The following PTPRD variants were observed in gnomAD, a reference collection of about 807,000 sequenced individuals.
PTPRD encodes receptor-type tyrosine-protein phosphatase delta.
A neutral mutation model predicts 214.5 loss-of-function variants in PTPRD; 34 were observed. The ratio of observed to expected loss-of-function variants is 0.16; its 90% confidence interval spans 0.12 to 0.21. The LOEUF (loss-of-function observed/expected upper bound fraction) is 0.21, where lower values mean the gene tolerates loss of function less well. Among genes scored for constraint, PTPRD ranks in the 10% least tolerant of loss-of-function variants. PTPRD has a pLI of 1.00. For synonymous variants in PTPRD, 1,128 were observed against 845.7 expected, an observed-to-expected ratio of 1.33 and a Z score of -5.79; for missense variants, 2,545 against 2,398.7, an observed-to-expected ratio of 1.06 and a Z score of -1.27.
At chr9:9,925,136 A>T (rs1236818876) in intron 5 of PTPRD, among the ~76,000 whole-genome samples, 2 of 152,156 alleles carry the variant, frequency 1.3e-5, no homozygotes, top group African/African-American at 4.8e-5. Context: ...GTAGCAGTAC[A>T]AAATTAAATT....
At chr9:10,411,550 A>T (rs1030641358) in intron 2 of PTPRD, among the ~76,000 whole-genome samples, 4 of 151,782 alleles carry the variant, frequency 2.6e-5, no homozygotes, top group African/African-American at 9.7e-5. Flanking sequence ...TGGCAGATTC[A>T]CCATCATCCT....
At chr9:10,199,859 A>G (rs1050517362) in intron 3 of PTPRD, among the ~76,000 whole-genome samples, 1 of 151,704 alleles carries the variant, frequency 6.6e-6, no homozygotes, top group African/African-American at 2.4e-5. Context: ...TGGAGGCAAT[A>G]CCAACATAAC....
intron 8 of PTPRD, among the ~76,000 whole-genome samples, chr9:9,550,459 G>A (rs866645935): frequency 2.2e-4 from 33 of 147,502 alleles, no homozygotes; most frequent in Middle Eastern, 3.6e-3. Flanking sequence ...AGTATTATAC[G>A]TAGTATATTA....
rs1054331576 is a variant in PTPRD at position 9,228,723 on chromosome 9, A to G, written c.-202-45360T>C. Among the ~76,000 whole-genome samples, 13 of 152,152 alleles carry G rather than the reference A, an allele frequency of 8.5e-5. 1 individual carries two copies. Among genetic ancestry groups the G allele is most frequent in the South Asian group, 6.2e-4 (3 of 4,834 alleles). ...GTTACTATGGAGATTAAACGTCATT[A>G]TGTATTTCAAATGCCTAGCGTAAAG... is the stretch of plus-strand genomic sequence containing the variant. On this transcript the variant is annotated intron_variant, in intron 9 of 45. Transcript: ENST00000381196.
At chr9:8,654,603 A>G (rs2096874259) in intron 12 of PTPRD, among the ~76,000 whole-genome samples, 1 of 152,224 alleles carries the variant, frequency 6.6e-6, no homozygotes, top group Non-Finnish European at 1.5e-5. Flanking sequence ...AGTGTAAAAA[A>G]GATACATACA....
rs547261355 is a variant in PTPRD at position 10,363,808 on chromosome 9, T to G, written c.-599-22791A>C. 3.2e-4 allele frequency among the ~76,000 whole-genome samples: 49 copies of G among 152,244 alleles called. No homozygotes were observed. The South Asian group carries it at 9.3e-3, about 29-fold the overall frequency. On this transcript the variant is annotated intron_variant, in intron 2 of 45. Coordinates refer to ENST00000381196, the MANE Select transcript of PTPRD (RefSeq NM_002839.4). ...AAGGTCAGGCTTGATTCCATTCATT[T>G]CACACATGTAGATAGATGCTATGGA... is the stretch of plus-strand genomic sequence containing the variant.
chr9:8,416,981 A>G (rs1023528534), intron 35 of PTPRD, among the ~76,000 whole-genome samples: 2 of 152,138 alleles, frequency 1.3e-5, no homozygotes, highest in African/African-American at 2.4e-5. Context: ...GCTCTTAACT[A>G]CTACACTCTA....
chr9:8,791,601 C>T (rs148664416), intron 11 of PTPRD, among the ~76,000 whole-genome samples: 4 of 146,992 alleles, frequency 2.7e-5, no homozygotes, highest in African/African-American at 7.6e-5. Context: ...GATCTCGGCT[C>T]ACTGCAACCT....
chr9:8,861,605 C>T (rs921793981), intron 11 of PTPRD: 4 of 152,120 alleles, frequency 2.6e-5, no homozygotes, highest in Admixed American at 6.5e-5. Context: ...GCCAAGCTGA[C>T]ACAGTGAGTG....
intron 11 of PTPRD, among the ~76,000 whole-genome samples, chr9:8,777,699 A>G (rs2154491809): frequency 6.6e-6 from 1 of 152,262 alleles, no homozygotes; most frequent in East Asian, 1.9e-4. Context: ...GTCAGTGATA[A>G]AAGAGAGCTG....
chr9:8,838,312 T>G (rs2097483305), intron 11 of PTPRD, among the ~76,000 whole-genome samples: 1 of 149,582 alleles, frequency 6.7e-6, no homozygotes, highest in African/African-American at 2.4e-5. Context: ...CGTTTGGGGA[T>G]AAGGAAGTGA....
At chr9:8,781,267 G>C (rs1020776130) in intron 11 of PTPRD, among the ~76,000 whole-genome samples, 1 of 152,164 alleles carries the variant, frequency 6.6e-6, no homozygotes, top group African/African-American at 2.4e-5. Context: ...TAAGAGTCAG[G>C]GGGCTGCTCT....
At chr9:8,902,808 A>G (rs926133207) in intron 11 of PTPRD, among the ~76,000 whole-genome samples, 1 of 152,240 alleles carries the variant, frequency 6.6e-6, no homozygotes, top group East Asian at 1.9e-4. Context: ...TGAATTTTCA[A>G]AATGCCATTT....
chr9:9,266,200 C>G (rs1316736657), intron 9 of PTPRD, among the ~76,000 whole-genome samples: 2 of 151,294 alleles, frequency 1.3e-5, no homozygotes, highest in Admixed American at 6.6e-5. Context: ...CAATTTTAAA[C>G]GTGTGTATGT....
rs1049241623 is a variant in PTPRD, at chr9:8,315,040, G to A, written c.*2834C>T. On this transcript the variant is annotated 3_prime_UTR_variant, in exon 46 of 46. Transcript: ENST00000381196. ...ATTACAAAATTATACATAACTACACGTACATAGGTAAATAATAGCACCGTA... is the reference window on the plus strand; with the variant it reads ...ATTACAAAATTATACATAACTACACATACATAGGTAAATAATAGCACCGTA... 1 of 232,026 alleles carries A rather than the reference G, an allele frequency of 4.3e-6. No homozygotes were observed. The highest frequency in any genetic ancestry group is 5.7e-5 in the Admixed American group (1 of 17,672). The allele number at this position is 232,026 out of a possible 1,614,324, so 14.4% of individuals were successfully genotyped here. A position where few individuals can be genotyped will look rare whatever the true frequency, so the allele number is the denominator to read the frequency against.
At chr9:9,893,727 C>T (rs1172456124) in intron 5 of PTPRD, among the ~76,000 whole-genome samples, 1 of 152,038 alleles carries the variant, frequency 6.6e-6, no homozygotes, top group African/African-American at 2.4e-5. Context: ...TAAACATAAT[C>T]ACTTATCATG....
At chr9:8,439,536 T>C (rs1002178779) in intron 34 of PTPRD, among the ~76,000 whole-genome samples, 5 of 152,240 alleles carry the variant, frequency 3.3e-5, no homozygotes, top group Admixed American at 6.5e-5. Flanking sequence ...TGCTATTTTC[T>C]TTCATTAGCC....
rs945861955 is a variant in PTPRD at position 8,633,207 on chromosome 9, T to C, written c.352+110A>G. On this transcript the variant is annotated intron_variant, in intron 14 of 45. Coordinates refer to ENST00000381196, the MANE Select transcript of PTPRD (RefSeq NM_002839.4). ...AGTTCAAGTCTTACAAACATTTAAC[T>C]GAGTTTCCCATTTAAGCACCATCAC... 8.8e-5 allele frequency: 119 copies of C among 1,347,676 alleles called. No individual in the cohort carries two copies. The Middle Eastern group carries it at 1.3e-3, about 15-fold the overall frequency. The allele number at this position is 1,347,676 out of a possible 1,614,324, so 83.5% of individuals were successfully genotyped here.
chr9:10,257,732 G>A (rs2093390368), intron 3 of PTPRD, among the ~76,000 whole-genome samples: 1 of 152,104 alleles, frequency 6.6e-6, no homozygotes, highest in Non-Finnish European at 1.5e-5. Context: ...CTATGCATGG[G>A]CATAGACCAA....
Sources: allele counts gnomAD v4.1 joint callset (sites outside exome capture counted in the v4.1 genomes callset), GRCh38; gene constraint gnomAD v4.1.1; transcripts MANE v1.5; gene names NCBI Gene and HGNC (gene_info 2026-07-23, HGNC 2026-07-21).